The following ATXN7L2 variants were observed in gnomAD, a reference collection of about 807,000 sequenced individuals.
ATXN7L2 encodes the protein ataxin 7 like 2.
ATXN7L2 carries 17 observed loss-of-function variants against 59.6 expected under a neutral mutation model. The ratio of observed to expected loss-of-function variants is 0.29; its 90% CI spans 0.20 to 0.43. ATXN7L2 has a LOEUF of 0.43. ATXN7L2 is among the 20% of genes least tolerant of loss of function. ATXN7L2 has a pLI of 1.00. For synonymous variants in ATXN7L2, 378 were observed against 392.5 expected (o/e 0.96, Z 0.44); for missense variants, 858 against 1,008.9 (o/e 0.85, Z 2.03).
chr1:109,485,941 T>C (rs1217742772), intron 1 of ATXN7L2, 116 bp from the exon 2 acceptor site: 1 of 1,368,828 alleles, frequency 7.3e-7, no homozygotes, highest in Non-Finnish European at 9.5e-7. Flanking sequence ...TGCTTGGGGC[T>C]TCTGGAAAGG....
rs34382032 is a variant in ATXN7L2 at position 109,492,696 on chromosome 1, AT to A, written c.*105del. On this transcript the variant is annotated 3_prime_UTR_variant, in exon 11 of 11. Transcript: ENST00000683729. ...CTGCCGCTTTTTATAACTTTATATT[AT>A]TTTTTTTTAAGAAAAAAAGCTCTTT... 0.3 allele frequency: 419,829 copies of A among 1,378,630 alleles called. 72,020 individuals carry two copies. The highest frequency in any genetic ancestry group is 0.67 in the African/African-American group (44,692 of 66,804). The allele number at this position is 1,378,630 out of a possible 1,614,324, so 85.4% of individuals were successfully genotyped here.
chr1:109,490,748 G>A lies in ATXN7L2; in HGVS notation c.1455-174G>A, dbSNP rs1207225224. On this transcript the variant is annotated intron_variant, in intron 9 of 10. Coordinates refer to ENST00000683729, the MANE Select transcript of ATXN7L2 (RefSeq NM_001350175.2). Reference sequence around the variant, plus strand: ...GGTACTAGCTAATTCCTCTCCACAGGCACCCCTGTGTCTTCTTCCTAACCC... The same window carrying A: ...GGTACTAGCTAATTCCTCTCCACAGACACCCCTGTGTCTTCTTCCTAACCC... 2.0e-5 allele frequency among the ~76,000 whole-genome samples: 3 copies of A among 152,080 alleles called. No individual in the cohort carries two copies. The East Asian group carries it at 5.8e-4, about 29-fold the overall frequency.
Position 109,491,227 on chromosome 1 carries a change from A to G in ATXN7L2, c.1760A>G (p.Lys587Arg), listed in dbSNP as rs1254009783. The G allele has an allele frequency of 4.3e-6, 7 of 1,614,188 alleles. No homozygotes were observed. The highest frequency in any genetic ancestry group is 1.7e-5 in the Admixed American group (1 of 60,028). ...FSKLPPSKAS[K>R]SSKGKDGVEV... is the part of the protein sequence containing the mutation. ...AAGCTGCCGCCTTCCAAGGCCAGCA[A>G]GTCATCCAAAGGCAAGGACGGGGTG... Residue 587 changes from lysine to arginine, a missense_variant, in exon 10 of 11, where the codon AAG becomes AGG. Physicochemically the swap from Lys to Arg is conservative, Grantham distance 26. Coordinates refer to ENST00000683729, the MANE Select transcript of ATXN7L2 (RefSeq NM_001350175.2). This position sits in a 1 kb window ranked among gnomAD's most constrained non-coding sequence, Gnocchi z 4.1.
At chr1:109,485,386 C>G (rs1292143212) in intron 1 of ATXN7L2, 1 of 985,510 alleles carries the variant, frequency 1.0e-6, no homozygotes, top group Non-Finnish European at 1.2e-6. Flanking sequence ...AGGGGAGGGA[C>G]TTGCATAGCT....
intron 7 of ATXN7L2, 55 bp from the exon 8 acceptor site, chr1:109,489,875 C>G: frequency 6.3e-7 from 1 of 1,599,658 alleles, no homozygotes; most frequent in Non-Finnish European, 8.5e-7. Flanking sequence ...AAGGATGCCC[C>G]TACTCTGACC....
chr1:109,487,670 C>G lies in ATXN7L2; in HGVS notation c.662C>G (p.Ser221Cys). 1 of 1,612,680 alleles carries G rather than the reference C, an allele frequency of 6.2e-7. No homozygotes were observed. The highest frequency in any genetic ancestry group is 8.5e-7 in the Non-Finnish European group (1 of 1,179,376). The stretch of plus-strand genomic sequence containing the variant: ...GGAAAACCTCCCATGGCTCCCCCTT[C>G]TAAAGAACCTCCTGGCAGAGAGAAC... ...SPGKPPMAPP[S>C]KEPPGRENIE... The change falls in exon 5 of 11, where the codon TCT becomes TGT. Residue 221 changes from serine to cysteine, a missense_variant. Ser to Cys is a moderately radical substitution (Grantham distance 112, BLOSUM62 -1). This residue lies in a region of ATXN7L2 where 734 missense variants were observed against 862.3 expected (regional missense o/e 0.85). Coordinates refer to ENST00000683729, the MANE Select transcript of ATXN7L2 (RefSeq NM_001350175.2).
In ATXN7L2 at chr1:109,488,526, T is replaced by C; in HGVS notation, c.879+61T>C. 2.0e-6 allele frequency: 3 copies of C among 1,498,472 alleles called. No homozygotes were observed. The highest frequency in any genetic ancestry group is 2.8e-6 in the Non-Finnish European group (3 of 1,090,720). 92.8% of individuals were successfully genotyped at this position (1,498,472 alleles called of 1,614,324 possible). A position where few individuals can be genotyped will look rare whatever the true frequency, so the allele number is the denominator to read the frequency against. On this transcript the variant is annotated intron_variant, in intron 6 of 10. Transcript: ENST00000683729. The surrounding 1 kb of genome is among the most constrained non-coding windows in gnomAD (Gnocchi z 5.0). ...GCACAGGGCTTGCCCACTCCTTCCC[T>C]GGGCAAAGAGAGGAATGTCGATGTT...
Position 109,486,193 on chromosome 1 carries a change from A to G in ATXN7L2, c.193+71A>G, listed in dbSNP as rs1656572138. The G allele has an allele frequency of 6.7e-7, 1 of 1,494,850 alleles. No homozygotes were observed. Among genetic ancestry groups the G allele is most frequent in the East Asian group, 2.4e-5 (1 of 42,102 alleles). The allele number at this position is 1,494,850 out of a possible 1,614,324, so 92.6% of individuals were successfully genotyped here. ...CCACGCTCCACTTTTCCACCACACT[A>G]CAGAAGGAGGTGGCTGCTTGAAGCA... On this transcript the variant is annotated intron_variant, in intron 2 of 10. Transcript: ENST00000683729. The surrounding 1 kb of genome is among the most constrained non-coding windows in gnomAD (Gnocchi z 4.3).
In ATXN7L2 at chr1:109,488,724, C is replaced by G; in HGVS notation, c.880-123C>G. 1.5e-6 allele frequency: 2 copies of G among 1,293,858 alleles called. No homozygotes were observed. Among genetic ancestry groups the G allele is most frequent in the Non-Finnish European group, 2.1e-6 (2 of 930,420 alleles). The allele number at this position is 1,293,858 out of a possible 1,614,324, so 80.1% of individuals were successfully genotyped here. On this transcript the variant is annotated intron_variant, in intron 6 of 10. Coordinates refer to ENST00000683729, the MANE Select transcript of ATXN7L2 (RefSeq NM_001350175.2). The surrounding 1 kb of genome is among the most constrained non-coding windows in gnomAD (Gnocchi z 5.0). ...GGAATGAAACAAAGACACATGAACA[C>G]AGCTGCAAATATGCCCACCTCTCTC... is the stretch of plus-strand genomic sequence containing the variant.
In ATXN7L2 at chr1:109,485,885, G is replaced by C. The variant is rs1431577937; in HGVS notation, c.128-172G>C. 7.2e-6 allele frequency: 9 copies of C among 1,258,426 alleles called. No individual in the cohort carries two copies. The East Asian group carries it at 2.8e-4, about 40-fold the overall frequency. 78.0% of individuals were successfully genotyped at this position (1,258,426 alleles called of 1,614,324 possible). On this transcript the variant is annotated intron_variant, in intron 1 of 10. Transcript: ENST00000683729. ...GTTCCCCAAGTGGTCCTAGCACCAG[G>C]AGCTTGTCACGGAGTGTGGGCTTCA...
At position 109,491,574 on chromosome 1, in the gene ATXN7L2, A is replaced by T. The variant is rs1657079465; in HGVS notation, c.2107A>T (p.Lys703Ter). The change falls in exon 10 of 11, where the codon AAG (lysine) becomes TAG (stop). Residue 703 changes from lysine (K) to a stop codon, truncating the protein, a stop_gained. Coordinates refer to ENST00000683729, the MANE Select transcript of ATXN7L2 (RefSeq NM_001350175.2). LOFTEE classifies it high-confidence loss of function. The surrounding 1 kb of genome is among the most constrained non-coding windows in gnomAD (Gnocchi z 4.1). ...CCTCTCTGAGGAGGAGGTGGCCAAG[A>T]AGCGGAAAAACCTGGCCACTTATTG... Reference protein sequence around the residue: ...NCLSEEEVAKKRKNLATYCRP... With the variant: ...NCLSEEEVAK 1.2e-6 allele frequency: 2 copies of T among 1,613,856 alleles called. No homozygotes were observed. Among genetic ancestry groups the T allele is most frequent in the Non-Finnish European group, 1.7e-6 (2 of 1,180,044 alleles).
chr1:109,489,818 T>C (rs1427788596), intron 7 of ATXN7L2, 112 bp from the exon 8 acceptor site: 7 of 1,103,020 alleles, frequency 6.3e-6, no homozygotes, highest in Non-Finnish European at 9.4e-6. Context: ...CTGATTGCCC[T>C]GCAGGGTGTC....
At chr1:109,485,113 G>C (rs927935187) in intron 1 of ATXN7L2, among the ~76,000 whole-genome samples, 12 of 152,246 alleles carry the variant, frequency 7.9e-5, no homozygotes, top group Admixed American at 6.5e-4. Context: ...GGCCACCCTG[G>C]GGCTGCCCCA....
intron 1 of ATXN7L2, among the ~76,000 whole-genome samples, chr1:109,484,636 A>G (rs935199218): frequency 7.3e-5 from 11 of 151,418 alleles, no homozygotes; most frequent in African/African-American, 2.7e-4. Flanking sequence ...CCTCCAACCC[A>G]CTGTCCTTTC....
rs1159136223 is a variant in ATXN7L2, at chr1:109,492,680, T to C, written c.*80T>C. Reference sequence around the variant, plus strand: ...TCCGGGCCCCAGGCTGCTGCCGCTTTTTATAACTTTATATTATTTTTTTTT... The same window carrying C: ...TCCGGGCCCCAGGCTGCTGCCGCTTCTTATAACTTTATATTATTTTTTTTT... On this transcript the variant is annotated 3_prime_UTR_variant, in exon 11 of 11. Coordinates refer to ENST00000683729, the MANE Select transcript of ATXN7L2 (RefSeq NM_001350175.2). 2 of 1,505,464 alleles carry C rather than the reference T, an allele frequency of 1.3e-6. No homozygotes were observed. The highest frequency in any genetic ancestry group is 2.4e-4 in the Middle Eastern group (1 of 4,204). The allele number at this position is 1,505,464 out of a possible 1,614,324, so 93.3% of individuals were successfully genotyped here.
chr1:109,491,846 G>A lies in ATXN7L2; in HGVS notation c.2250+129G>A, dbSNP rs868552100. 2.6e-5 allele frequency: 34 copies of A among 1,286,290 alleles called. No individual in the cohort carries two copies. The Middle Eastern group carries it at 4.6e-3, about 175-fold the overall frequency. The allele number at this position is 1,286,290 out of a possible 1,614,324, so 79.7% of individuals were successfully genotyped here. ...GGGAAGTTGAGAGAGTTCCTGGACT[G>A]TTTTCTTTAGGAAGAGGTAGGTCAG... On this transcript the variant is annotated intron_variant, in intron 10 of 10. Coordinates refer to ENST00000683729, the MANE Select transcript of ATXN7L2 (RefSeq NM_001350175.2). The surrounding 1 kb of genome is among the most constrained non-coding windows in gnomAD (Gnocchi z 4.1).
chr1:109,489,168 G>A, intron 7 of ATXN7L2, 68 bp downstream of exon 7: 1 of 1,547,442 alleles, frequency 6.5e-7, no homozygotes, highest in Admixed American at 1.9e-5. Flanking sequence ...GGGGCCCCTG[G>A]AAACAGGCTC....
At position 109,488,730 on chromosome 1, in the gene ATXN7L2, C is replaced by T; in HGVS notation, c.880-117C>T. 1 of 1,323,876 alleles carries T rather than the reference C, an allele frequency of 7.6e-7. No homozygotes were observed. Among genetic ancestry groups the T allele is most frequent in the South Asian group, 1.4e-5 (1 of 72,376 alleles). The allele number at this position is 1,323,876 out of a possible 1,614,324, so 82.0% of individuals were successfully genotyped here. A position where few individuals can be genotyped will look rare whatever the true frequency, so the allele number is the denominator to read the frequency against. ...AAACAAAGACACATGAACACAGCTG[C>T]AAATATGCCCACCTCTCTCCCTGCC... On this transcript the variant is annotated intron_variant, in intron 6 of 10. Coordinates refer to ENST00000683729, the MANE Select transcript of ATXN7L2 (RefSeq NM_001350175.2). The surrounding 1 kb of genome is among the most constrained non-coding windows in gnomAD (Gnocchi z 5.0).
rs1032975327 is a variant in ATXN7L2, at chr1:109,487,641, C to A, written c.633C>A (p.Ser211=). ...AGCCAGGGGGCCTCACCAAGGACTC[C>A]CCTGGAAAACCTCCCATGGCTCCCC... The part of the protein sequence containing the change: ...LSQPGGLTKD[S]PGKPPMAPPS... The change falls in exon 5 of 11, where the codon TCC becomes TCA. Residue 211 remains serine (S), a synonymous_variant. Transcript: ENST00000683729. 3.1e-6 allele frequency: 5 copies of A among 1,608,904 alleles called. No homozygotes were observed. In the African/African-American group the frequency reaches 5.4e-5, roughly 17 times the overall value.
Sources: gnomAD v4.1 joint callset for allele counts (sites outside exome capture counted in the v4.1 genomes callset) on GRCh38, gnomAD v4.1.1 for gene constraint, gnomAD v4.1.1 regional missense constraint, Gnocchi (gnomAD v3.1) non-coding constraint, MANE v1.5 for transcripts, NCBI Gene and HGNC (gene_info 2026-07-23, HGNC 2026-07-21) for gene names.